Variants in IL1RAPL2 observed in about 807,000 individuals in gnomAD.
IL1RAPL2 encodes X-linked interleukin-1 receptor accessory protein-like 2.
Under a neutral mutation model 44.1 loss-of-function variants are expected in IL1RAPL2, and 3 were observed. That is an observed-to-expected ratio of 0.07 (90% CI 0.03 to 0.18). The LOEUF (loss-of-function observed/expected upper bound fraction) is 0.18. Ranked by LOEUF, IL1RAPL2 falls within the 10% of genes least tolerant of loss-of-function variation. The probability of loss-of-function intolerance (pLI) is 1.00; values close to 1 mark genes in which losing one functional copy is unlikely to be tolerated. For missense variants in IL1RAPL2, 391 were observed against 496.4 expected, an observed-to-expected ratio of 0.79 and a Z score of 2.02; for synonymous variants, 181 against 178.8, an observed-to-expected ratio of 1.01 and a Z score of -0.10.
intron 5 of IL1RAPL2, among the ~76,000 whole-genome samples, chrX:105,376,713 T>A (rs962851660): frequency 3.5e-4 from 39 of 112,016 alleles, no homozygotes; most frequent in African/African-American, 1.2e-3. Context: ...AGTAGGTGTA[T>A]GCAAGGAAAA....
At chrX:104,680,664 A>G (rs1341894233) in intron 2 of IL1RAPL2, among the ~76,000 whole-genome samples, 1 of 111,614 alleles carries the variant, frequency 9.0e-6, no homozygotes, top group Non-Finnish European at 1.9e-5. Context: ...GAATCATTGG[A>G]TAGTTCTACT....
At chrX:104,927,981 C>T (rs1488180773) in intron 2 of IL1RAPL2, among the ~76,000 whole-genome samples, 1 of 111,881 alleles carries the variant, frequency 8.9e-6, no homozygotes, top group Non-Finnish European at 1.9e-5. Flanking sequence ...GAAGCAAAGT[C>T]AAACAATATT....
chrX:105,620,660 A>G (rs1207720273), intron 6 of IL1RAPL2, among the ~76,000 whole-genome samples: 1 of 109,644 alleles, frequency 9.1e-6, no homozygotes, highest in African/African-American at 3.3e-5. Flanking sequence ...TGAGTAGAAA[A>G]GGAAAAAAAA....
In IL1RAPL2 at chrX:105,002,208, A is replaced by G. The variant is rs932589298; in HGVS notation, c.83-193267A>G. Reference sequence around the variant, plus strand: ...CCCTTCTATATCTGAACTGCTATATACAAAAAGCATGGTAGAACAAAGGGA... The same window carrying G: ...CCCTTCTATATCTGAACTGCTATATGCAAAAAGCATGGTAGAACAAAGGGA... On this transcript the variant is annotated intron_variant, in intron 2 of 10. Transcript: ENST00000372582. Among the ~76,000 whole-genome samples the G allele has an allele frequency of 4.5e-5, 5 of 111,422 alleles. 1 individual carries two copies. In the East Asian group the frequency reaches 1.1e-3, roughly 25 times the overall value.
At chrX:104,862,831 C>T (rs889447849) in intron 2 of IL1RAPL2, among the ~76,000 whole-genome samples, 2 of 111,459 alleles carry the variant, frequency 1.8e-5, no homozygotes, top group Non-Finnish European at 3.8e-5. Flanking sequence ...TAAGAGAAAT[C>T]GGTGATGCCA....
At chrX:105,438,584 G>T (rs1408158211) in intron 5 of IL1RAPL2, among the ~76,000 whole-genome samples, 1 of 110,680 alleles carries the variant, frequency 9.0e-6, no homozygotes, top group Admixed American at 9.7e-5. Flanking sequence ...CCATAATTTA[G>T]ACTAAGCTGA....
intron 5 of IL1RAPL2, among the ~76,000 whole-genome samples, chrX:105,382,818 AG>A (rs919961476): frequency 9.3e-6 from 1 of 108,066 alleles, no homozygotes; most frequent in Non-Finnish European, 1.9e-5. Flanking sequence ...TGTCCTTTGT[AG>A]GGACATGGAT....
At chrX:104,822,559 A>T (rs957239720) in intron 2 of IL1RAPL2, among the ~76,000 whole-genome samples, 2 of 111,892 alleles carry the variant, frequency 1.8e-5, no homozygotes, top group Non-Finnish European at 3.8e-5. Context: ...AGGTGGTTGT[A>T]GATGTGTGGT....
intron 5 of IL1RAPL2, among the ~76,000 whole-genome samples, chrX:105,317,333 A>G (rs958240443): frequency 4.5e-5 from 5 of 112,047 alleles, no homozygotes; most frequent in African/African-American, 1.6e-4. Flanking sequence ...CAGTGTTGAC[A>G]GTGATGATCC....
intron 6 of IL1RAPL2, among the ~76,000 whole-genome samples, chrX:105,711,441 T>C (rs761788903): frequency 8.7e-4 from 97 of 111,376 alleles, no homozygotes; most frequent in African/African-American, 3.0e-3. Context: ...ATGGCATTAA[T>C]TGATTCGTGA....
In IL1RAPL2 at chrX:104,932,851, A is replaced by C. The variant is rs371103417; in HGVS notation, c.83-262624A>C. Among the ~76,000 whole-genome samples the C allele has an allele frequency of 1.4e-3, 160 of 112,293 alleles. 1 individual carries two copies. The highest frequency in any genetic ancestry group is 4.8e-3 in the African/African-American group (148 of 30,944). On this transcript the variant is annotated intron_variant, in intron 2 of 10. Coordinates refer to ENST00000372582, the MANE Select transcript of IL1RAPL2 (RefSeq NM_017416.2). ...ACATACCGATGTTAGTAGGGATTTA[A>C]AGTTTGCTGCCAGGCTTCTCTTGGA...
chrX:105,373,787 C>T (rs889947551), intron 5 of IL1RAPL2, among the ~76,000 whole-genome samples: 2 of 110,552 alleles, frequency 1.8e-5, no homozygotes, highest in African/African-American at 6.6e-5. Flanking sequence ...AGTAGGGAGT[C>T]CTTTCCCCAT....
rs890134059 is a variant in IL1RAPL2, at chrX:104,897,090, G to A, written c.82+238095G>A. ...CCACAGCTTCGTTCTCGAAGTCAGCGAGACCAAGAACCCACTGGAAGGAAC... is the reference window on the plus strand; with the variant it reads ...CCACAGCTTCGTTCTCGAAGTCAGCAAGACCAAGAACCCACTGGAAGGAAC... On this transcript the variant is annotated intron_variant, in intron 2 of 10. Transcript: ENST00000372582. Among the ~76,000 whole-genome samples, 7 of 111,868 alleles carry A rather than the reference G, an allele frequency of 6.3e-5. No individual in the cohort carries two copies. In the East Asian group the frequency reaches 1.1e-3, roughly 18 times the overall value.
chrX:105,392,630 A>C (rs2035534530), intron 5 of IL1RAPL2, among the ~76,000 whole-genome samples: 1 of 111,964 alleles, frequency 8.9e-6, no homozygotes, highest in African/African-American at 3.2e-5. Flanking sequence ...CATATTTGTG[A>C]GTTATGAGCC....
chrX:105,246,772 A>G (rs1008912856), intron 4 of IL1RAPL2, among the ~76,000 whole-genome samples: 1 of 111,839 alleles, frequency 8.9e-6, no homozygotes, highest in Admixed American at 9.5e-5. Flanking sequence ...CATTTATTCA[A>G]AAGAAACCAT....
intron 2 of IL1RAPL2, among the ~76,000 whole-genome samples, chrX:104,915,796 G>A (rs1204519435): frequency 3.6e-5 from 4 of 111,643 alleles, no homozygotes; most frequent in Admixed American, 9.5e-5. Context: ...TGGCTAGCCC[G>A]TTTTCCCAGC....
At chrX:105,447,470 TATAA>T (rs1227987813) in intron 5 of IL1RAPL2, among the ~76,000 whole-genome samples, 3 of 73,374 alleles carry the variant, frequency 4.1e-5, no homozygotes, top group East Asian at 9.6e-4. Context: ...TAAATATAAA[TATAA>T]ATAAATATAA....
intron 2 of IL1RAPL2, among the ~76,000 whole-genome samples, chrX:105,029,696 G>A (rs767355489): frequency 2.7e-5 from 3 of 110,051 alleles, no homozygotes; most frequent in Non-Finnish European, 5.7e-5. Flanking sequence ...ATTGTGAATA[G>A]TGCCGCAATA....
At chrX:104,952,187 G>A (rs1430770458) in intron 2 of IL1RAPL2, among the ~76,000 whole-genome samples, 1 of 112,165 alleles carries the variant, frequency 8.9e-6, no homozygotes, top group Non-Finnish European at 1.9e-5. Context: ...AATGTATTTT[G>A]AGGAAATTCA....
Sources: allele counts gnomAD v4.1 joint callset (sites outside exome capture counted in the v4.1 genomes callset), GRCh38; gene constraint gnomAD v4.1.1; transcripts MANE v1.5; gene names NCBI Gene and HGNC (gene_info 2026-07-23, HGNC 2026-07-21).